CFAP54: variants seen among roughly 807,000 people sequenced by gnomAD.
CFAP54 encodes cilia- and flagella-associated protein 54.
CFAP54 carries 290 observed loss-of-function variants against 370.4 expected under a neutral mutation model. The ratio of observed to expected loss-of-function variants is 0.78; its 90% confidence interval spans 0.71 to 0.86. The LOEUF (loss-of-function observed/expected upper bound fraction) is 0.86, where lower values mean the gene tolerates loss of function less well. CFAP54 is among the 40% of genes least tolerant of loss of function. CFAP54 has a pLI of 0.00. For synonymous variants in CFAP54, 1,206 were observed against 1,236.5 expected, an observed-to-expected ratio of 0.98 and a Z score of 0.52; for missense variants, 3,399 against 3,528.7, an observed-to-expected ratio of 0.96 and a Z score of 0.93.
intron 60 of CFAP54, among the ~76,000 whole-genome samples, chr12:96,783,739 A>G (rs1958601930): frequency 6.6e-6 from 1 of 152,096 alleles, no homozygotes; most frequent in African/African-American, 2.4e-5. Context: ...ACACAAAATT[A>G]GCCGGGCATG....
At chr12:96,587,871 T>C (rs1035122213) in intron 22 of CFAP54, among the ~76,000 whole-genome samples, 1 of 152,190 alleles carries the variant, frequency 6.6e-6, no homozygotes, top group Non-Finnish European at 1.5e-5. Context: ...GAAAAGTGAC[T>C]CATTAACCAC....
At chr12:96,496,733 T>C (rs1010293790) in intron 1 of CFAP54, among the ~76,000 whole-genome samples, 3 of 152,174 alleles carry the variant, frequency 2.0e-5, no homozygotes, top group Non-Finnish European at 2.9e-5. Flanking sequence ...TTCAGTCTTA[T>C]CTAGAAATTT....
chr12:96,594,480 C>T, intron 25 of CFAP54, 34 bp downstream of exon 25: 1 of 1,403,704 alleles, frequency 7.1e-7, no homozygotes, highest in South Asian at 1.5e-5. Flanking sequence ...AGAAGGGAAT[C>T]TTTATAAAGG....
chr12:96,752,993 A>G lies in CFAP54; in HGVS notation c.7685-750A>G, dbSNP rs80191348. 9.6e-3 allele frequency among the ~76,000 whole-genome samples: 1,467 copies of G among 152,336 alleles called. 53 individuals are homozygous for G. In the East Asian group the frequency reaches 0.1, roughly 11 times the overall value. Reference sequence around the variant, plus strand: ...GTGCCCACTCAGAGTTGCGGGGATCATATGAGTAATGCATTTAAGTCCTTC... The same window carrying G: ...GTGCCCACTCAGAGTTGCGGGGATCGTATGAGTAATGCATTTAAGTCCTTC... On this transcript the variant is annotated intron_variant, in intron 55 of 67. Coordinates refer to ENST00000524981, the MANE Select transcript of CFAP54 (RefSeq NM_001306084.2).
chr12:96,630,837 A>G (rs1440607255), intron 32 of CFAP54, among the ~76,000 whole-genome samples, 186 bp downstream of exon 32: 2 of 152,166 alleles, frequency 1.3e-5, no homozygotes, highest in East Asian at 3.9e-4. Context: ...ACAGTTAAAA[A>G]TGGTGATAAA....
At chr12:96,823,402 T>TAG (rs1565991558) in intron 65 of CFAP54, among the ~76,000 whole-genome samples, 1 of 152,200 alleles carries the variant, frequency 6.6e-6, no homozygotes, top group East Asian at 1.9e-4. Flanking sequence ...GCTTCCTTAA[T>TAG]AGTTTGTGAA....
intron 22 of CFAP54, among the ~76,000 whole-genome samples, chr12:96,585,193 C>T (rs1357302326): frequency 6.6e-6 from 1 of 152,074 alleles, no homozygotes; most frequent in Non-Finnish European, 1.5e-5. Flanking sequence ...TGGAGTCTCA[C>T]TCTGTTGCCC....
intron 15 of CFAP54, among the ~76,000 whole-genome samples, chr12:96,552,246 C>CAAAAAAA (rs374756712): frequency 2.4e-5 from 1 of 40,974 alleles, no homozygotes; most frequent in African/African-American, 7.6e-5. Context: ...AACTACATCT[C>CAAAAAAA]AAAAAAAAAA....
chr12:96,515,742 C>T (rs1955223153), intron 5 of CFAP54, among the ~76,000 whole-genome samples: 1 of 151,932 alleles, frequency 6.6e-6, no homozygotes, highest in African/African-American at 2.4e-5. Flanking sequence ...GAATCTATAC[C>T]ATGTGCTAGG....
chr12:96,865,732 G>A (rs1259435433), intron 67 of CFAP54, among the ~76,000 whole-genome samples: 1 of 151,978 alleles, frequency 6.6e-6, no homozygotes, highest in Non-Finnish European at 1.5e-5. Flanking sequence ...TATAGTTATT[G>A]GCTCGCCTAT....
intron 32 of CFAP54, among the ~76,000 whole-genome samples, chr12:96,639,467 C>A (rs1187148662): frequency 6.6e-6 from 1 of 152,080 alleles, no homozygotes; most frequent in Admixed American, 6.5e-5. Context: ...AGTCCAGGAC[C>A]AGATGGATTC....
chr12:96,660,976 G>T (rs1262468439), intron 38 of CFAP54, among the ~76,000 whole-genome samples: 1 of 152,146 alleles, frequency 6.6e-6, no homozygotes, highest in Non-Finnish European at 1.5e-5. Flanking sequence ...TACATAGGGT[G>T]AGGCAGAGGG....
intron 65 of CFAP54, among the ~76,000 whole-genome samples, chr12:96,823,118 TTGTCTGTGTGTGTGTG>T (rs1042206597): frequency 1.8e-5 from 2 of 111,318 alleles, no homozygotes; most frequent in African/African-American, 6.5e-5. Flanking sequence ...TCGTGTGTGT[TTGTCTGTGTGTGTGTG>T]TGTCTGTGTG....
chr12:96,526,895 T>C (rs1274274945), intron 8 of CFAP54, among the ~76,000 whole-genome samples: 1 of 144,134 alleles, frequency 6.9e-6, no homozygotes, highest in Non-Finnish European at 1.5e-5. Context: ...GTTTTTTTTT[T>C]TTTTTTTTTT....
At chr12:96,666,307 TA>T (rs1274086836) in intron 39 of CFAP54, among the ~76,000 whole-genome samples, 35 of 152,242 alleles carry the variant, frequency 2.3e-4, no homozygotes, top group Non-Finnish European at 4.4e-5. Context: ...CTATTAGTTT[TA>T]CTATGGTTAA....
chr12:96,718,749 TATG>T (rs1957714411), intron 49 of CFAP54, among the ~76,000 whole-genome samples: 1 of 152,066 alleles, frequency 6.6e-6, no homozygotes, highest in African/African-American at 2.4e-5. Flanking sequence ...CTTCAGAAAA[TATG>T]ATTCGGCTGG....
intron 50 of CFAP54, 134 bp from the exon 51 acceptor site, chr12:96,739,821 GA>G: frequency 1.7e-6 from 1 of 571,796 alleles, no homozygotes; most frequent in East Asian, 2.9e-5. Flanking sequence ...AGGGCCTGCA[GA>G]AATGGCACCT....
At chr12:96,510,001 G>T (rs1300465159) in intron 4 of CFAP54, among the ~76,000 whole-genome samples, 1 of 151,640 alleles carries the variant, frequency 6.6e-6, no homozygotes, top group Non-Finnish European at 1.5e-5. Context: ...AAACAGGCCC[G>T]GCATGGTGGC....
chr12:96,700,117 G>A (rs748695976), intron 46 of CFAP54, 24 bp downstream of exon 46: 25 of 1,593,332 alleles, frequency 1.6e-5, no homozygotes, highest in Non-Finnish European at 1.9e-5. Flanking sequence ...TTGATTCAAA[G>A]CAATTTCTTT....
Sources: gnomAD v4.1 joint callset for allele counts (sites outside exome capture counted in the v4.1 genomes callset) on GRCh38, gnomAD v4.1.1 for gene constraint, MANE v1.5 for transcripts, NCBI Gene and HGNC (gene_info 2026-07-23, HGNC 2026-07-21) for gene names.